The following FUT9 variants were observed in gnomAD, a reference collection of about 807,000 sequenced individuals.
FUT9 encodes 4-galactosyl-N-acetylglucosaminide 3-alpha-L-fucosyltransferase 9.
In FUT9, 15 loss-of-function variants were observed where a neutral mutation model predicts 29.7. That is an observed-to-expected ratio of 0.51 (90% CI 0.34 to 0.78). The LOEUF (loss-of-function observed/expected upper bound fraction) is 0.78, where lower values mean the gene tolerates loss of function less well. Among genes scored for constraint, FUT9 ranks in the 30% least tolerant of loss-of-function variants. The pLI is 0.01. For synonymous variants in FUT9, 169 were observed against 153.7 expected (o/e 1.10, Z -0.74); for missense variants, 319 against 425.4 (o/e 0.75, Z 2.20).
chr6:96,065,900 G>A (rs1770954333), intron 1 of FUT9, among the ~76,000 whole-genome samples: 2 of 152,302 alleles, frequency 1.3e-5, no homozygotes, highest in Non-Finnish European at 1.5e-5. Flanking sequence ...TGTGAGATAA[G>A]TGTCAAGGCA....
rs963829663 is a variant in FUT9 at position 96,206,501 on chromosome 6, C to A, written c.*2266C>A. 1.2e-5 allele frequency: 2 copies of A among 166,770 alleles called. No individual in the cohort carries two copies. Among genetic ancestry groups the A allele is most frequent in the Non-Finnish European group, 2.9e-5 (2 of 68,136 alleles). The allele number at this position is 166,770 out of a possible 1,614,324, so 10.3% of individuals were successfully genotyped here. On this transcript the variant is annotated 3_prime_UTR_variant, in exon 3 of 3. Transcript: ENST00000302103. ...TTTTTGTGATAGAGTCTTGCTCTGT[C>A]GCCCAGGCCGGAGTGCAGTGGTGCA...
intron 1 of FUT9, among the ~76,000 whole-genome samples, chr6:96,026,614 G>A (rs1401678583): frequency 1.3e-5 from 2 of 151,554 alleles, no homozygotes; most frequent in African/African-American, 4.8e-5. Context: ...ATGCTTTATA[G>A]TTTGAAGGGT....
At chr6:96,191,080 G>A (rs1582297919) in intron 2 of FUT9, among the ~76,000 whole-genome samples, 1 of 152,104 alleles carries the variant, frequency 6.6e-6, no homozygotes. Context: ...TACAGATGGG[G>A]TTTTGGTGTG....
At chr6:96,106,081 G>C (rs1002690903) in intron 1 of FUT9, among the ~76,000 whole-genome samples, 1 of 149,130 alleles carries the variant, frequency 6.7e-6, no homozygotes, top group African/African-American at 2.5e-5. Context: ...TCAGGAAAGA[G>C]AGAAAGCCTG....
intron 2 of FUT9, among the ~76,000 whole-genome samples, chr6:96,167,170 A>G (rs1390829805): frequency 6.6e-6 from 1 of 152,222 alleles, no homozygotes; most frequent in South Asian, 2.1e-4. Context: ...AATTAAGAAT[A>G]ATTTAAAGTC....
intron 1 of FUT9, among the ~76,000 whole-genome samples, chr6:96,095,283 T>A (rs1265218583): frequency 2.0e-5 from 3 of 152,130 alleles, no homozygotes; most frequent in African/African-American, 7.2e-5. Context: ...ATACTTACAA[T>A]AATTACTTAT....
At chr6:96,112,987 A>G (rs1173223789) in intron 1 of FUT9, among the ~76,000 whole-genome samples, 1 of 152,212 alleles carries the variant, frequency 6.6e-6, no homozygotes. Context: ...ACAGATGTTT[A>G]GGCAAATCAT....
At chr6:96,054,748 A>T (rs1770732421) in intron 1 of FUT9, among the ~76,000 whole-genome samples, 1 of 152,158 alleles carries the variant, frequency 6.6e-6, no homozygotes, top group Admixed American at 6.6e-5. Context: ...TGCAGTCCTA[A>T]TCCCTTTGTA....
At chr6:96,044,895 T>C (rs147215676) in intron 1 of FUT9, among the ~76,000 whole-genome samples, 1 of 152,192 alleles carries the variant, frequency 6.6e-6, no homozygotes, top group African/African-American at 2.4e-5. Context: ...TATTTTAACA[T>C]TAATTACTGC....
At chr6:96,031,131 A>G (rs1400033809) in intron 1 of FUT9, among the ~76,000 whole-genome samples, 1 of 151,610 alleles carries the variant, frequency 6.6e-6, no homozygotes, top group Non-Finnish European at 1.5e-5. Context: ...GAAGAATGAG[A>G]GAAGTCCCAT....
rs1582309067 is a variant in FUT9 at position 96,204,351 on chromosome 6, C to G, written c.*116C>G. 1.5e-6 allele frequency: 1 copy of G among 674,714 alleles called. No individual in the cohort carries two copies. Among genetic ancestry groups the G allele is most frequent in the Non-Finnish European group, 2.3e-6 (1 of 434,488 alleles). The allele number at this position is 674,714 out of a possible 1,614,324, so 41.8% of individuals were successfully genotyped here. A position where few individuals can be genotyped will look rare whatever the true frequency, so the allele number is the denominator to read the frequency against. On this transcript the variant is annotated 3_prime_UTR_variant, in exon 3 of 3. Transcript: ENST00000302103. The stretch of plus-strand genomic sequence containing the variant: ...TGTCACAATTTATTTTTATCACCCT[C>G]TCTAGGGTAACGTGTATATTTTGGT...
intron 1 of FUT9, among the ~76,000 whole-genome samples, chr6:96,038,825 T>C (rs1489459108): frequency 6.6e-6 from 1 of 152,160 alleles, no homozygotes; most frequent in African/African-American, 2.4e-5. Context: ...TTGGTGATAC[T>C]GACCTGAATG....
chr6:96,063,555 T>C (rs1770913137), intron 1 of FUT9, among the ~76,000 whole-genome samples: 1 of 152,144 alleles, frequency 6.6e-6, no homozygotes, highest in African/African-American at 2.4e-5. Flanking sequence ...AGGACCCACC[T>C]CCAACACTGG....
intron 1 of FUT9, among the ~76,000 whole-genome samples, chr6:96,051,696 A>T (rs1433012613): frequency 6.6e-6 from 1 of 152,070 alleles, no homozygotes; most frequent in Non-Finnish European, 1.5e-5. Flanking sequence ...TAATAGTAAA[A>T]TTGGTAAACT....
At chr6:96,062,515 T>C (rs1335237820) in intron 1 of FUT9, among the ~76,000 whole-genome samples, 1 of 152,116 alleles carries the variant, frequency 6.6e-6, no homozygotes, top group African/African-American at 2.4e-5. Flanking sequence ...TTTTGTTTTA[T>C]GTCATTCTCT....
chr6:96,047,733 G>T (rs1377072954), intron 1 of FUT9, among the ~76,000 whole-genome samples: 2 of 152,082 alleles, frequency 1.3e-5, no homozygotes, highest in East Asian at 3.9e-4. Context: ...AACAAACATA[G>T]GTAATATGTG....
chr6:96,181,661 G>A (rs927091995), intron 2 of FUT9, among the ~76,000 whole-genome samples: 5 of 151,732 alleles, frequency 3.3e-5, no homozygotes, highest in Non-Finnish European at 7.4e-5. Context: ...TCCCACTTAT[G>A]AGTGAGAACA....
intron 2 of FUT9, among the ~76,000 whole-genome samples, chr6:96,189,433 A>G (rs967607109): frequency 7.2e-5 from 11 of 152,024 alleles, no homozygotes; most frequent in Non-Finnish European, 1.6e-4. Flanking sequence ...GTAATATGTG[A>G]TCTGTGGTTT....
chr6:96,047,998 G>A (rs533889992), intron 1 of FUT9, among the ~76,000 whole-genome samples: 1 of 152,230 alleles, frequency 6.6e-6, no homozygotes, highest in African/African-American at 2.4e-5. Context: ...AAGCTTTTGA[G>A]GAAAATTTGT....
Sources: allele counts gnomAD v4.1 joint callset (sites outside exome capture counted in the v4.1 genomes callset), GRCh38; gene constraint gnomAD v4.1.1; transcripts MANE v1.5; gene names NCBI Gene and HGNC (gene_info 2026-07-23, HGNC 2026-07-21).